INPP5A: variants seen among roughly 807,000 people sequenced by gnomAD.
INPP5A encodes the protein inositol polyphosphate-5-phosphatase A.
INPP5A carries 14 observed loss-of-function variants against 65.2 expected under a neutral mutation model. The observed-to-expected ratio is 0.21, with a 90% CI of 0.14 to 0.34. The LOEUF (loss-of-function observed/expected upper bound fraction) is 0.34, where lower values mean the gene tolerates loss of function less well. INPP5A is among the 10% of genes least tolerant of loss of function. The pLI, the probability that INPP5A is intolerant of heterozygous loss-of-function variation, is 1.00. For synonymous variants in INPP5A, 207 were observed against 208.3 expected, an observed-to-expected ratio of 0.99 and a Z score of 0.05; for missense variants, 431 against 545.6, an observed-to-expected ratio of 0.79 and a Z score of 2.09.
intron 7 of INPP5A, 98 bp from the exon 8 acceptor site, chr10:132,710,239 A>G (rs1845610614): frequency 7.1e-7 from 1 of 1,413,042 alleles, no homozygotes; most frequent in Non-Finnish European, 9.7e-7. Flanking sequence ...GGCGGAGGCC[A>G]GTGCAGGTCT....
chr10:132,614,690 C>G (rs1426851174), intron 2 of INPP5A, among the ~76,000 whole-genome samples: 1 of 152,262 alleles, frequency 6.6e-6, no homozygotes, highest in Non-Finnish European at 1.5e-5. Context: ...TGGCCCCTCC[C>G]ACATTCCTGT....
At chr10:132,608,852 G>C (rs2071900110) in intron 2 of INPP5A, among the ~76,000 whole-genome samples, 1 of 152,204 alleles carries the variant, frequency 6.6e-6, no homozygotes, top group African/African-American at 2.4e-5. Context: ...AGGCCCAGGG[G>C]CCCTCTGTGA....
chr10:132,778,061 G>A (rs934924169), intron 13 of INPP5A, among the ~76,000 whole-genome samples: 2 of 152,212 alleles, frequency 1.3e-5, no homozygotes. Context: ...CGGTTAGCAG[G>A]AAGTGTTTTC....
At position 132,706,250 on chromosome 10, in the gene INPP5A, A is replaced by G. The variant is rs913445951; in HGVS notation, c.475-2063A>G. Among the ~76,000 whole-genome samples, 4 of 152,242 alleles carry G rather than the reference A, an allele frequency of 2.6e-5. No homozygotes were observed. Among genetic ancestry groups the G allele is most frequent in the Non-Finnish European group, 5.9e-5 (4 of 68,038 alleles). On this transcript the variant is annotated intron_variant, in intron 6 of 15. Coordinates refer to ENST00000368594, the MANE Select transcript of INPP5A (RefSeq NM_005539.5). The surrounding 1 kb of genome is among the most constrained non-coding windows in gnomAD (Gnocchi z 4.7). ...TATGTTTTTTATTTTTATAGAAAGG[A>G]GCAGTTAAAAGACATAAAGACTATT... is the stretch of plus-strand genomic sequence containing the variant.
intron 8 of INPP5A, among the ~76,000 whole-genome samples, chr10:132,713,110 G>A (rs1845677314): frequency 6.6e-6 from 1 of 151,674 alleles, no homozygotes; most frequent in Admixed American, 6.6e-5. Flanking sequence ...GTACATGTGG[G>A]TATGTGTGCA....
chr10:132,719,123 C>G (rs1477676938), intron 8 of INPP5A, among the ~76,000 whole-genome samples: 9 of 131,126 alleles, frequency 6.9e-5, no homozygotes, highest in Non-Finnish European at 1.3e-4. Context: ...CGACTGTCTT[C>G]AGGGTTCTGT....
At chr10:132,738,501 G>A (rs374988088) in intron 9 of INPP5A, among the ~76,000 whole-genome samples, 143 of 152,326 alleles carry the variant, frequency 9.4e-4, no homozygotes, top group African/African-American at 3.3e-3. Context: ...TGCTTCTGCC[G>A]CCGGGCAGGG....
chr10:132,752,803 C>G (rs1483514188), intron 11 of INPP5A, among the ~76,000 whole-genome samples: 1 of 152,120 alleles, frequency 6.6e-6, no homozygotes, highest in East Asian at 1.9e-4. Context: ...AGCATTTTGA[C>G]ACAGAGCACG....
At position 132,726,756 on chromosome 10, in the gene INPP5A, G is replaced by A. The variant is rs115042652; in HGVS notation, c.648-65G>A. 1,696 of 1,135,230 alleles carry A rather than the reference G, an allele frequency of 1.5e-3. 23 individuals carry two copies. In the African/African-American group the frequency reaches 0.023, roughly 15 times the overall value. The allele number at this position is 1,135,230 out of a possible 1,614,324, so 70.3% of individuals were successfully genotyped here. On this transcript the variant is annotated intron_variant, in intron 8 of 15. Coordinates refer to ENST00000368594, the MANE Select transcript of INPP5A (RefSeq NM_005539.5). ...CGGATGGGGAGCGTGGAGGAGCACCGGGGCCGGGCATGAGGGCTGGCCGGC... is the reference window on the plus strand; with the variant it reads ...CGGATGGGGAGCGTGGAGGAGCACCAGGGCCGGGCATGAGGGCTGGCCGGC...
chr10:132,721,717 GGCGCCTT>G, intron 8 of INPP5A, among the ~76,000 whole-genome samples: 1 of 143,566 alleles, frequency 7.0e-6, no homozygotes, highest in African/African-American at 3.0e-5. Flanking sequence ...GTTCTGTCTG[GGCGCCTT>G]AGACTGCTGT....
chr10:132,779,607 G>C (rs906479841), intron 13 of INPP5A, among the ~76,000 whole-genome samples: 1 of 152,230 alleles, frequency 6.6e-6, no homozygotes, highest in Non-Finnish European at 1.5e-5. Context: ...TGCTCAGGGT[G>C]GGGGACAGAG....
chr10:132,718,874 T>C (rs1284572892), intron 8 of INPP5A, among the ~76,000 whole-genome samples: 1 of 150,494 alleles, frequency 6.6e-6, no homozygotes, highest in Admixed American at 6.6e-5. Context: ...TCTTCAGGGT[T>C]CTGTGGTGCC....
Position 132,538,245 on chromosome 10 carries a change from G to A in INPP5A, c.75+74G>A, listed in dbSNP as rs568037162. ...CTGACCCCGGGGTCCCGAACTGCAA[G>A]CCTTGGACCCTGGACCGTGAACCTC... is the stretch of plus-strand genomic sequence containing the variant. On this transcript the variant is annotated intron_variant, in intron 1 of 15. Coordinates refer to ENST00000368594, the MANE Select transcript of INPP5A (RefSeq NM_005539.5). The surrounding 1 kb of genome is among the most constrained non-coding windows in gnomAD (Gnocchi z 4.1). 39 of 893,660 alleles carry A rather than the reference G, an allele frequency of 4.4e-5. No individual in the cohort carries two copies. The East Asian group carries it at 1.4e-3, about 33-fold the overall frequency. 55.4% of individuals were successfully genotyped at this position (893,660 alleles called of 1,614,324 possible).
In INPP5A at chr10:132,650,388, T is replaced by G; in HGVS notation, c.219-30T>G. ...GAGGTGCAAGGCGTCTGTGTGGCTT[T>G]TCCTCAGGAACCTACTTTCTTCCTT... On this transcript the variant is annotated intron_variant, in intron 3 of 15. Coordinates refer to ENST00000368594, the MANE Select transcript of INPP5A (RefSeq NM_005539.5). The surrounding 1 kb of genome is among the most constrained non-coding windows in gnomAD (Gnocchi z 5.5). The G allele has an allele frequency of 6.5e-7, 1 of 1,547,292 alleles. No homozygotes were observed. The highest frequency in any genetic ancestry group is 1.1e-5 in the South Asian group (1 of 89,778).
chr10:132,590,482 G>C (rs1485546344), intron 1 of INPP5A, among the ~76,000 whole-genome samples: 1 of 152,170 alleles, frequency 6.6e-6, no homozygotes, highest in East Asian at 1.9e-4. Context: ...GGAGTGTGGG[G>C]GAGACACTGT....
intron 8 of INPP5A, among the ~76,000 whole-genome samples, chr10:132,718,655 T>C (rs112530900): frequency 0.033 from 3,302 of 99,290 alleles, 154 homozygotes; most frequent in African/African-American, 0.12. Flanking sequence ...GCGCCTTAGA[T>C]GCTGTCTTCA....
chr10:132,699,367 G>GC lies in INPP5A; in HGVS notation c.474+1448_474+1449insC, dbSNP rs578097130. ...GGGAAGCGTGGGTGCTGGGGTGGGGGGGGGCTGGGCTGGGCAGGGCCAGGC... is the reference window on the plus strand; with the variant it reads ...GGGAAGCGTGGGTGCTGGGGTGGGGGCGGGGCTGGGCTGGGCAGGGCCAGGC... On this transcript the variant is annotated intron_variant, in intron 6 of 15. Coordinates refer to ENST00000368594, the MANE Select transcript of INPP5A (RefSeq NM_005539.5). 2.7e-4 allele frequency among the ~76,000 whole-genome samples: 40 copies of GC among 150,332 alleles called. 2 individuals are homozygous for GC. In the South Asian group the frequency reaches 8.4e-3, roughly 32 times the overall value.
chr10:132,685,140 A>G (rs1362852933), intron 4 of INPP5A, among the ~76,000 whole-genome samples: 1 of 152,162 alleles, frequency 6.6e-6, no homozygotes, highest in Non-Finnish European at 1.5e-5. Flanking sequence ...GATGGGAGTC[A>G]CCAAATGCTG....
chr10:132,744,256 G>A (rs929488853), intron 9 of INPP5A, among the ~76,000 whole-genome samples: 3 of 152,214 alleles, frequency 2.0e-5, no homozygotes, highest in African/African-American at 7.2e-5. Flanking sequence ...CCCACGGATT[G>A]ACTCAGCAGC....
Sources: allele counts gnomAD v4.1 joint callset (sites outside exome capture counted in the v4.1 genomes callset), GRCh38; gene constraint gnomAD v4.1.1; non-coding constraint Gnocchi (gnomAD v3.1); transcripts MANE v1.5; gene names NCBI Gene and HGNC (gene_info 2026-07-23, HGNC 2026-07-21).